LRPPRC: variants seen among roughly 807,000 people sequenced by gnomAD.
The protein encoded by LRPPRC is leucine-rich PPR motif-containing protein, mitochondrial.
Under a neutral mutation model 180.3 loss-of-function variants are expected in LRPPRC, and 120 were observed. The ratio of observed to expected loss-of-function variants is 0.67; its 90% CI spans 0.57 to 0.77. LRPPRC has a LOEUF of 0.77. Ranked by LOEUF, LRPPRC falls within the 30% of genes least tolerant of loss-of-function variation. The pLI is 0.00. For missense variants in LRPPRC, 2,012 were observed against 1,657.2 expected (o/e 1.21, Z -3.72); for synonymous variants, 723 against 600.0 (o/e 1.21, Z -3.00).
At chr2:43,960,261 C>T (rs979230253) in intron 13 of LRPPRC, among the ~76,000 whole-genome samples, 5 of 152,170 alleles carry the variant, frequency 3.3e-5, no homozygotes, top group Admixed American at 1.3e-4. Flanking sequence ...TCTTCTAAAT[C>T]ACATAATCGG....
chr2:43,945,491 T>C, intron 21 of LRPPRC, 74 bp from the exon 22 acceptor site: 1 of 884,994 alleles, frequency 1.1e-6, no homozygotes, highest in Non-Finnish European at 1.9e-6. Context: ...ATCCATTTAA[T>C]CACTTTTCAA....
intron 1 of LRPPRC, among the ~76,000 whole-genome samples, chr2:43,990,098 C>T (rs757137366): frequency 2.6e-5 from 4 of 151,838 alleles, no homozygotes; most frequent in South Asian, 2.1e-4. Context: ...ATGCGCCTGT[C>T]GTCCCAGCTA....
intron 2 of LRPPRC, among the ~76,000 whole-genome samples, chr2:43,980,945 G>C (rs1291488598): frequency 1.3e-5 from 2 of 152,094 alleles, no homozygotes; most frequent in Non-Finnish European, 2.9e-5. Flanking sequence ...ATGTGACACA[G>C]GTCTTTAAAT....
intron 36 of LRPPRC, among the ~76,000 whole-genome samples, chr2:43,894,170 C>G (rs1670598201): frequency 6.6e-6 from 1 of 151,976 alleles, no homozygotes; most frequent in African/African-American, 2.4e-5. Flanking sequence ...TTAAGTGAGT[C>G]TCAAATGTGT....
At chr2:43,951,964 T>C (rs183190961) in intron 14 of LRPPRC, among the ~76,000 whole-genome samples, 1 of 152,102 alleles carries the variant, frequency 6.6e-6, no homozygotes, top group East Asian at 1.9e-4. Context: ...GAGGCTGAGG[T>C]GGGTAGATCA....
intron 11 of LRPPRC, among the ~76,000 whole-genome samples, chr2:43,967,134 C>T (rs1284510407): frequency 8.5e-5 from 13 of 152,142 alleles, no homozygotes; most frequent in Non-Finnish European, 1.6e-4. Context: ...TGAGATGGCT[C>T]ATGCTTGTAA....
Position 43,975,148 on chromosome 2 carries a change from T to A in LRPPRC, c.807A>T (p.Thr269=). ...RDAGIEPGPD[T]YLALLNAYAE... ...CATATGCATTCAATAATGCGAGGTA[T>A]GTGTCTGGACCAGGCTCAATTCCGG... The change falls in exon 7 of 38, where the codon ACA becomes ACT. Residue 269 remains threonine (T), a synonymous_variant. Coordinates refer to ENST00000260665, the MANE Select transcript of LRPPRC (RefSeq NM_133259.4). 6.2e-7 allele frequency: 1 copy of A among 1,613,622 alleles called. No homozygotes were observed. Among genetic ancestry groups the A allele is most frequent in the Non-Finnish European group, 8.5e-7 (1 of 1,179,712 alleles).
intron 1 of LRPPRC, among the ~76,000 whole-genome samples, chr2:43,988,554 C>T (rs1476614006): frequency 6.6e-6 from 1 of 152,144 alleles, no homozygotes; most frequent in Non-Finnish European, 1.5e-5. Context: ...AGAAAAGAGA[C>T]GCCACTGCTC....
chr2:43,980,596 GAGAGAA>G (rs1357095248), intron 2 of LRPPRC, among the ~76,000 whole-genome samples: 1 of 150,114 alleles, frequency 6.7e-6, no homozygotes, highest in Non-Finnish European at 1.5e-5. Flanking sequence ...GAGAGAGAGA[GAGAGAA>G]AGAAAGAATA....
Position 43,966,471 on chromosome 2 carries a change from T to C in LRPPRC, c.1370-2765A>G, listed in dbSNP as rs114791964. Among the ~76,000 whole-genome samples, 982 of 151,550 alleles carry C rather than the reference T, an allele frequency of 6.5e-3. 10 individuals are homozygous for C. The highest frequency in any genetic ancestry group is 0.022 in the African/African-American group (921 of 41,332). ...TGTTGTGCAAGCTGGAGTGCAATGGTGCGATCTCAACTCACAGCAACCTCC... is the reference window on the plus strand; with the variant it reads ...TGTTGTGCAAGCTGGAGTGCAATGGCGCGATCTCAACTCACAGCAACCTCC... On this transcript the variant is annotated intron_variant, in intron 11 of 37. Coordinates refer to ENST00000260665, the MANE Select transcript of LRPPRC (RefSeq NM_133259.4).
intron 17 of LRPPRC, 85 bp downstream of exon 17, chr2:43,948,327 G>A (rs1399754689): frequency 1.1e-6 from 1 of 947,284 alleles, no homozygotes; most frequent in Admixed American, 1.7e-5. Context: ...GAAGTGGTCT[G>A]GTTGTACTTA....
At position 43,889,940 on chromosome 2, in the gene LRPPRC, A is replaced by T. The variant is rs763158424; in HGVS notation, c.3986-64T>A. On this transcript the variant is annotated intron_variant, in intron 36 of 37. Transcript: ENST00000260665. The stretch of plus-strand genomic sequence containing the variant: ...ACAACCTATCTTACTCTTTTCACCA[A>T]AACAGCCACTCAGGGACGGCTGGAT... 4.9e-6 allele frequency: 6 copies of T among 1,224,054 alleles called. No homozygotes were observed. In the African/African-American group the frequency reaches 7.4e-5, roughly 15 times the overall value. 75.8% of individuals were successfully genotyped at this position (1,224,054 alleles called of 1,614,324 possible).
At chr2:43,911,520 C>CTTTTTTT (rs755010502) in intron 30 of LRPPRC, among the ~76,000 whole-genome samples, 46 of 113,446 alleles carry the variant, frequency 4.1e-4, no homozygotes, top group East Asian at 1.3e-3. Flanking sequence ...TCTTCTTCTT[C>CTTTTTTT]TTCTTTTTTT....
At chr2:43,915,876 T>C (rs1438437178) in intron 29 of LRPPRC, among the ~76,000 whole-genome samples, 1 of 152,144 alleles carries the variant, frequency 6.6e-6, no homozygotes, top group Non-Finnish European at 1.5e-5. Context: ...GCTGATCCTC[T>C]CACCTCAACC....
chr2:43,995,807 G>C lies in LRPPRC; in HGVS notation c.141C>G (p.Pro47=), dbSNP rs559176918. Residue 47 remains proline (P), a synonymous_variant, in exon 1 of 38, where the codon CCC becomes CCG. Coordinates refer to ENST00000260665, the MANE Select transcript of LRPPRC (RefSeq NM_133259.4). The stretch of plus-strand genomic sequence containing the variant: ...AGGGCCTGGGCACTCACCCGGCCAC[G>C]GGCCCGGCGCGAGCGGCGGGCAGAT... ...ASYLPAARAG[P]VAGGLLSPAR... The C allele has an allele frequency of 1.4e-4, 194 of 1,389,010 alleles. No individual in the cohort carries two copies. The highest frequency in any genetic ancestry group is 1.7e-4 in the Non-Finnish European group (185 of 1,083,504). The allele number at this position is 1,389,010 out of a possible 1,614,324, so 86.0% of individuals were successfully genotyped here. A position where few individuals can be genotyped will look rare whatever the true frequency, so the allele number is the denominator to read the frequency against.
chr2:43,901,135 G>C (rs556528968), intron 32 of LRPPRC, among the ~76,000 whole-genome samples, 185 bp downstream of exon 32: 1 of 152,250 alleles, frequency 6.6e-6, no homozygotes, highest in African/African-American at 2.4e-5. Context: ...TTTATTCTAA[G>C]ATTTAAGGTA....
intron 1 of LRPPRC, among the ~76,000 whole-genome samples, chr2:43,986,861 T>C (rs1352581463): frequency 6.6e-6 from 1 of 152,244 alleles, no homozygotes; most frequent in Non-Finnish European, 1.5e-5. Context: ...TAATGGCAGA[T>C]AAATAAGGGA....
rs959853928 is a variant in LRPPRC at position 43,886,671 on chromosome 2, G to A, written c.*1929C>T. On this transcript the variant is annotated 3_prime_UTR_variant, in exon 38 of 38. Coordinates refer to ENST00000260665, the MANE Select transcript of LRPPRC (RefSeq NM_133259.4). The stretch of plus-strand genomic sequence containing the variant: ...GTGTGGAGTCACTTCATGCAAATGA[G>A]ATGGTACTTTCAGTTTCCCCAAAAA... 6.6e-6 allele frequency: 1 copy of A among 152,212 alleles called. No homozygotes were observed. The highest frequency in any genetic ancestry group is 2.4e-5 in the African/African-American group (1 of 41,454). The allele number at this position is 152,212 out of a possible 1,614,324, so 9.4% of individuals were successfully genotyped here.
Position 43,976,151 on chromosome 2 carries a change from G to C in LRPPRC, c.729C>G (p.Ala243=), listed in dbSNP as rs2103721211. The C allele has an allele frequency of 5.6e-6, 9 of 1,601,102 alleles. No homozygotes were observed. Among genetic ancestry groups the C allele is most frequent in the Non-Finnish European group, 6.0e-6 (7 of 1,168,240 alleles). ...CTTAGGTTGAACATTACCCAGCTCTGGCATGCCCTGTCACAAGGGCACTGA... is the reference window on the plus strand; with the variant it reads ...CTTAGGTTGAACATTACCCAGCTCTCGCATGCCCTGTCACAAGGGCACTGA... ...AVFSALVTGH[A]RAGDMENAEN... is the part of the protein sequence containing the mutation. The change falls in exon 6 of 38, where the codon GCC becomes GCG. Residue 243 remains alanine, a synonymous_variant. Coordinates refer to ENST00000260665, the MANE Select transcript of LRPPRC (RefSeq NM_133259.4).
Sources: allele counts gnomAD v4.1 joint callset (sites outside exome capture counted in the v4.1 genomes callset), GRCh38; gene constraint gnomAD v4.1.1; transcripts MANE v1.5; gene names NCBI Gene and HGNC (gene_info 2026-07-23, HGNC 2026-07-21).